The following MARCHF1 variants were observed in gnomAD, a reference collection of about 807,000 sequenced individuals.
MARCHF1 encodes the protein E3 ubiquitin-protein ligase MARCHF1.
In MARCHF1, 40 loss-of-function variants were observed where a neutral mutation model predicts 54.2. The observed-to-expected ratio is 0.74, with a 90% CI of 0.57 to 0.96. The LOEUF (loss-of-function observed/expected upper bound fraction) is 0.96. Among genes scored for constraint, MARCHF1 ranks in the 40% least tolerant of loss-of-function variants. The probability of loss-of-function intolerance (pLI) is 0.00; values close to 1 mark genes in which losing one functional copy is unlikely to be tolerated. For synonymous variants in MARCHF1, 236 were observed against 236.3 expected, an observed-to-expected ratio of 1.00 and a Z score of 0.01; for missense variants, 586 against 656.5, an observed-to-expected ratio of 0.89 and a Z score of 1.17.
intron 1 of MARCHF1, among the ~76,000 whole-genome samples, chr4:164,184,080 G>A (rs1032166608): frequency 3.3e-5 from 5 of 152,058 alleles, no homozygotes; most frequent in Non-Finnish European, 7.4e-5. Context: ...GCAATAATGG[G>A]AAAACATAAG....
At chr4:164,119,672 A>C (rs2952332) in intron 1 of MARCHF1, among the ~76,000 whole-genome samples, 130,811 of 151,230 alleles carry the variant, frequency 0.86, 57,358 homozygotes, top group South Asian at 0.97. Flanking sequence ...ACTTTTGAAT[A>C]GTTGAAACTA....
At position 163,670,388 on chromosome 4, in the gene MARCHF1, G is replaced by GTCTATCTATCTATCTATCTA. The variant is rs74831110; in HGVS notation, c.162+30405_162+30424dup. On this transcript the variant is annotated intron_variant, in intron 5 of 9. Transcript: ENST00000514618. Reference sequence around the variant, plus strand: ...TATCTATCTATCTATCTATCTGTCTGTCTATCTATCTATCTATCTATCTAT... The same window carrying GTCTATCTATCTATCTATCTA: ...TATCTATCTATCTATCTATCTGTCTGTCTATCTATCTATCTATCTATCTATCTATCTATCTATCTATCTAT... 2.7e-4 allele frequency among the ~76,000 whole-genome samples: 41 copies of GTCTATCTATCTATCTATCTA among 150,112 alleles called. 1 individual carries two copies. Among genetic ancestry groups the GTCTATCTATCTATCTATCTA allele is most frequent in the East Asian group, 1.4e-3 (7 of 5,084 alleles).
intron 3 of MARCHF1, among the ~76,000 whole-genome samples, chr4:163,866,107 C>A (rs1394412157): frequency 6.6e-6 from 1 of 151,444 alleles, no homozygotes; most frequent in East Asian, 1.9e-4. Flanking sequence ...TTAACAACAT[C>A]ATTTAATTTT....
intron 5 of MARCHF1, among the ~76,000 whole-genome samples, chr4:163,673,382 A>C (rs1743800393): frequency 6.6e-6 from 1 of 152,072 alleles, no homozygotes; most frequent in South Asian, 2.1e-4. Flanking sequence ...GAATCTCCAG[A>C]CCTTTTAATC....
At chr4:163,689,999 G>C (rs967796328) in intron 5 of MARCHF1, among the ~76,000 whole-genome samples, 3 of 152,022 alleles carry the variant, frequency 2.0e-5, no homozygotes, top group African/African-American at 7.3e-5. Flanking sequence ...TATGTGGTTG[G>C]CATGACCCCT....
At chr4:163,612,158 A>G in intron 7 of MARCHF1, 113 bp downstream of exon 7, 1 of 925,874 alleles carries the variant, frequency 1.1e-6, no homozygotes, top group Admixed American at 3.6e-5. Flanking sequence ...AATCAGAAAA[A>G]GAACAATGTA....
Position 164,050,185 on chromosome 4 carries a change from G to A in MARCHF1, c.-248+61403C>T, listed in dbSNP as rs145206103. 2.1e-5 allele frequency among the ~76,000 whole-genome samples: 3 copies of A among 140,474 alleles called. No individual in the cohort carries two copies. The East Asian group carries it at 6.7e-4, about 32-fold the overall frequency. The allele number at this position is 140,474 out of a possible 152,430, so 92.2% of individuals were successfully genotyped here. On this transcript the variant is annotated intron_variant, in intron 2 of 9. Coordinates refer to ENST00000514618, the MANE Select transcript of MARCHF1 (RefSeq NM_001394959.1). ...AGCTATTCGGGAGGCTGAGGCAGGA[G>A]AATCGCTTGAACCCAGGAGGTGGAG... is the stretch of plus-strand genomic sequence containing the variant.
At chr4:163,849,157 C>G (rs895936865) in intron 4 of MARCHF1, among the ~76,000 whole-genome samples, 4 of 152,172 alleles carry the variant, frequency 2.6e-5, no homozygotes, top group African/African-American at 9.7e-5. Context: ...TAGATTGAGA[C>G]TGATTGGACT....
intron 3 of MARCHF1, among the ~76,000 whole-genome samples, chr4:163,942,310 C>T (rs983733026): frequency 1.3e-5 from 2 of 152,172 alleles, no homozygotes; most frequent in Non-Finnish European, 2.9e-5. Flanking sequence ...CTCTCTCCTT[C>T]GTATACAGTT....
At chr4:163,814,555 GC>G (rs1416542624) in intron 4 of MARCHF1, among the ~76,000 whole-genome samples, 1 of 152,148 alleles carries the variant, frequency 6.6e-6, no homozygotes, top group African/African-American at 2.4e-5. Context: ...TTGCACTCTA[GC>G]CTGGGCGACA....
At chr4:164,284,763 A>G (rs1379905525) in intron 1 of MARCHF1, among the ~76,000 whole-genome samples, 1 of 150,980 alleles carries the variant, frequency 6.6e-6, no homozygotes, top group Non-Finnish European at 1.5e-5. Flanking sequence ...CTCCATCACA[A>G]CTATCTCTTT....
chr4:163,865,990 A>C (rs983965326), intron 3 of MARCHF1, among the ~76,000 whole-genome samples: 1 of 151,612 alleles, frequency 6.6e-6, no homozygotes, highest in African/African-American at 2.4e-5. Flanking sequence ...ATTTCTACTA[A>C]ATTTCTCAGA....
intron 5 of MARCHF1, among the ~76,000 whole-genome samples, chr4:163,688,208 GA>G (rs972457817): frequency 7.7e-4 from 115 of 148,790 alleles, no homozygotes; most frequent in African/African-American, 2.5e-3. Flanking sequence ...TAACAAAAAA[GA>G]AAAAAAAAGC....
intron 1 of MARCHF1, among the ~76,000 whole-genome samples, chr4:164,335,733 A>AT (rs1729719943): frequency 6.6e-6 from 1 of 152,150 alleles, no homozygotes; most frequent in Non-Finnish European, 1.5e-5. Flanking sequence ...GATCATGAGC[A>AT]TTTTTTAGCA....
chr4:164,199,677 CACACAGAGAGAGAGAGAG>C (rs1339767352), intron 1 of MARCHF1, among the ~76,000 whole-genome samples: 3 of 63,996 alleles, frequency 4.7e-5, no homozygotes, highest in Admixed American at 3.5e-4. Context: ...CACACACACA[CACACAGAGAGAGAGAGAG>C]AGAGAGAGAG....
At position 163,715,845 on chromosome 4, in the gene MARCHF1, G is replaced by A. The variant is rs562944199; in HGVS notation, c.112-14982C>T. Among the ~76,000 whole-genome samples, 11 of 152,170 alleles carry A rather than the reference G, an allele frequency of 7.2e-5. No homozygotes were observed. In the South Asian group the frequency reaches 2.3e-3, roughly 32 times the overall value. On this transcript the variant is annotated intron_variant, in intron 4 of 9. Transcript: ENST00000514618. Reference sequence around the variant, plus strand: ...GACCACAAGCAGATTTTTAAAAAACGTAATGAATTTTCAAACAACACTCCA... The same window carrying A: ...GACCACAAGCAGATTTTTAAAAAACATAATGAATTTTCAAACAACACTCCA...
At chr4:163,854,257 T>C (rs1749710846) in intron 3 of MARCHF1, 88 bp from the exon 4 acceptor site, 5 of 1,021,888 alleles carry the variant, frequency 4.9e-6, no homozygotes, top group Non-Finnish European at 5.4e-6. Context: ...ATCAACAATA[T>C]AACAAAACAC....
intron 1 of MARCHF1, among the ~76,000 whole-genome samples, chr4:164,125,089 T>C (rs183269219): frequency 3.9e-4 from 59 of 151,992 alleles, no homozygotes; most frequent in African/African-American, 1.3e-3. Context: ...AAAATAAAAA[T>C]AAATTTTAAA....
intron 4 of MARCHF1, among the ~76,000 whole-genome samples, chr4:163,706,035 G>A (rs1019510978): frequency 6.6e-6 from 1 of 152,022 alleles, no homozygotes; most frequent in African/African-American, 2.4e-5. Context: ...ATTATCTCTT[G>A]CTTGTGCATT....
Sources: allele counts gnomAD v4.1 joint callset (sites outside exome capture counted in the v4.1 genomes callset), GRCh38; gene constraint gnomAD v4.1.1; transcripts MANE v1.5; gene names NCBI Gene and HGNC (gene_info 2026-07-23, HGNC 2026-07-21).